The following PCNX1 variants were observed in gnomAD, a reference collection of about 807,000 sequenced individuals.
PCNX1 encodes the protein pecanex 1, also known as pecanex-like protein 1.
PCNX1 carries 78 observed loss-of-function variants against 242.2 expected under a neutral mutation model. The observed-to-expected ratio is 0.32, with a 90% CI of 0.27 to 0.39. PCNX1 has a LOEUF of 0.39. PCNX1 is among the 10% of genes least tolerant of loss of function. The pLI is 1.00. For missense variants in PCNX1, 2,581 were observed against 2,856.5 expected (o/e 0.90, Z 2.20); for synonymous variants, 1,024 against 1,032.9 (o/e 0.99, Z 0.17).
intron 6 of PCNX1, among the ~76,000 whole-genome samples, chr14:70,984,808 A>G (rs922129655): frequency 1.3e-5 from 2 of 152,254 alleles, no homozygotes; most frequent in Non-Finnish European, 2.9e-5. Context: ...TGGGCATCCC[A>G]GCTATTCTAA....
intron 8 of PCNX1, among the ~76,000 whole-genome samples, chr14:71,003,611 C>T (rs1457963166): frequency 6.6e-6 from 1 of 152,108 alleles, no homozygotes; most frequent in East Asian, 1.9e-4. Flanking sequence ...ATAATGAAAT[C>T]ACAGCAAAAT....
At chr14:71,056,749 G>A (rs2061192464) in intron 25 of PCNX1, among the ~76,000 whole-genome samples, 1 of 151,800 alleles carries the variant, frequency 6.6e-6, no homozygotes, top group Admixed American at 6.6e-5. Flanking sequence ...CACAGTCACA[G>A]CTCACTGCAA....
At chr14:70,947,784 G>A (rs181601144) in intron 2 of PCNX1, among the ~76,000 whole-genome samples, 13 of 152,260 alleles carry the variant, frequency 8.5e-5, no homozygotes, top group East Asian at 1.9e-4. Context: ...GACTGCCTGC[G>A]GGCTGGGCGG....
chr14:70,951,081 T>A (rs2057758457), intron 2 of PCNX1, among the ~76,000 whole-genome samples: 1 of 151,968 alleles, frequency 6.6e-6, no homozygotes, highest in Non-Finnish European at 1.5e-5. Flanking sequence ...ACTCTTAAAT[T>A]GTTGTCAGTT....
At chr14:70,958,898 CTT>C (rs56362741) in intron 2 of PCNX1, among the ~76,000 whole-genome samples, 338 of 66,394 alleles carry the variant, frequency 5.1e-3, no homozygotes, top group African/African-American at 0.016. Context: ...TTTGGGGTTG[CTT>C]TTTTTTTTTT....
rs145163799 is a variant in PCNX1 at position 70,998,649 on chromosome 14, G to C, written c.2629+2724G>C. 1.5e-4 allele frequency among the ~76,000 whole-genome samples: 22 copies of C among 150,530 alleles called. No homozygotes were observed. In the East Asian group the frequency reaches 4.3e-3, roughly 29 times the overall value. Reference sequence around the variant, plus strand: ...GCCTGTAATCCCAGTTACTCAAAAGGCTAAGTCACAAGAATTGCTTGAATC... The same window carrying C: ...GCCTGTAATCCCAGTTACTCAAAAGCCTAAGTCACAAGAATTGCTTGAATC... On this transcript the variant is annotated intron_variant, in intron 8 of 35. Coordinates refer to ENST00000304743, the MANE Select transcript of PCNX1 (RefSeq NM_014982.3).
Position 70,978,295 on chromosome 14 carries a change from G to T in PCNX1, c.1958G>T (p.Gly653Val), listed in dbSNP as rs763571546. Reference sequence around the variant, plus strand: ...ACCAAACACACTCATAAAGAAAGGGGCACAGACTCTGAACACACACACAAA... The same window carrying T: ...ACCAAACACACTCATAAAGAAAGGGTCACAGACTCTGAACACACACACAAA... ...LKTKHTHKER[G>V]TDSEHTHKAH... is the part of the protein sequence containing the mutation. Residue 653 changes from glycine (G) to valine (V), a missense_variant, in exon 6 of 36, where the codon GGC becomes GTC. Transcript: ENST00000304743. The T allele has an allele frequency of 4.3e-6, 7 of 1,614,118 alleles. No individual in the cohort carries two copies. In the Admixed American group the frequency reaches 1.2e-4, roughly 27 times the overall value.
chr14:71,056,126 C>A (rs952676176), intron 25 of PCNX1, among the ~76,000 whole-genome samples: 1 of 152,150 alleles, frequency 6.6e-6, no homozygotes, highest in Non-Finnish European at 1.5e-5. Context: ...TAATCTGTCA[C>A]AGAGAATCAG....
chr14:71,042,801 T>C (rs772034788), intron 19 of PCNX1, among the ~76,000 whole-genome samples: 19 of 152,184 alleles, frequency 1.2e-4, no homozygotes, highest in Non-Finnish European at 2.5e-4. Flanking sequence ...CCTTTGTTCC[T>C]TTCTTCCTCT....
At chr14:71,059,132 G>C (rs906583977) in intron 26 of PCNX1, among the ~76,000 whole-genome samples, 2 of 152,132 alleles carry the variant, frequency 1.3e-5, no homozygotes, top group African/African-American at 4.8e-5. Context: ...GAAATGAAAG[G>C]GGGGGTGGTT....
intron 25 of PCNX1, among the ~76,000 whole-genome samples, chr14:71,056,317 G>C (rs1412321037): frequency 2.0e-5 from 3 of 152,188 alleles, no homozygotes; most frequent in Non-Finnish European, 4.4e-5. Flanking sequence ...TCGTCATCAT[G>C]TTCTGGTAGA....
At chr14:71,028,426 A>G (rs2060294992) in intron 15 of PCNX1, among the ~76,000 whole-genome samples, 1 of 151,954 alleles carries the variant, frequency 6.6e-6, no homozygotes, top group East Asian at 1.9e-4. Context: ...CTTGAAGCAT[A>G]ATATAGATAA....
chr14:71,011,429 T>C, intron 9 of PCNX1, 63 bp from the exon 10 acceptor site: 2 of 872,538 alleles, frequency 2.3e-6, no homozygotes, highest in Non-Finnish European at 3.8e-6. Context: ...CTCATCTGAA[T>C]GTTAAAGGAT....
chr14:70,968,314 A>G, intron 4 of PCNX1, 71 bp downstream of exon 4: 2 of 872,608 alleles, frequency 2.3e-6, no homozygotes, highest in East Asian at 2.6e-5. Flanking sequence ...AGATAACAGT[A>G]CTGTACATTC....
chr14:71,109,111 T>A, intron 34 of PCNX1, 65 bp downstream of exon 34: 1 of 1,307,020 alleles, frequency 7.7e-7, no homozygotes, highest in South Asian at 1.5e-5. Flanking sequence ...TTCTTATTTG[T>A]TGAATGAAGG....
chr14:70,937,928 CTCTG>C (rs748683359), intron 1 of PCNX1, among the ~76,000 whole-genome samples: 62 of 151,748 alleles, frequency 4.1e-4, no homozygotes, highest in Non-Finnish European at 7.5e-4. Context: ...TGATTTGGCT[CTCTG>C]TCTGTTATTG....
Position 71,113,421 on chromosome 14 carries a change from A to G in PCNX1, c.*3486A>G, listed in dbSNP as rs956028515. 3.3e-5 allele frequency: 5 copies of G among 152,650 alleles called. No individual in the cohort carries two copies. The highest frequency in any genetic ancestry group is 1.3e-4 in the Admixed American group (2 of 15,276). The allele number at this position is 152,650 out of a possible 1,614,324, so 9.5% of individuals were successfully genotyped here. On this transcript the variant is annotated 3_prime_UTR_variant, in exon 36 of 36. Coordinates refer to ENST00000304743, the MANE Select transcript of PCNX1 (RefSeq NM_014982.3). The stretch of plus-strand genomic sequence containing the variant: ...TTTGTGTAGAAAACCCATTAAGAAG[A>G]TGTGTTTTTCTTTCTGAATTAGTTT...
rs1302875422 is a variant in PCNX1, at chr14:71,109,055, G to A, written c.6744+9G>A. The A allele has an allele frequency of 6.3e-7, 1 of 1,586,052 alleles. No homozygotes were observed. The highest frequency in any genetic ancestry group is 8.6e-7 in the Non-Finnish European group (1 of 1,165,068). ...TGATTTACAGAGTCCAAGTAAGTAA[G>A]CCCAGAGGTGGTCTTGTGCTGTTTT... On this transcript the variant is annotated intron_variant, in intron 34 of 35. Transcript: ENST00000304743.
intron 24 of PCNX1, among the ~76,000 whole-genome samples, chr14:71,053,644 A>G (rs2061102506): frequency 6.6e-6 from 1 of 151,994 alleles, no homozygotes; most frequent in African/African-American, 2.4e-5. Flanking sequence ...TATTGGAAAC[A>G]CCAGAGTTTT....
Sources: gnomAD v4.1 joint callset for allele counts (sites outside exome capture counted in the v4.1 genomes callset) on GRCh38, gnomAD v4.1.1 for gene constraint, MANE v1.5 for transcripts, NCBI Gene and HGNC (gene_info 2026-07-23, HGNC 2026-07-21) for gene names.